Variants in ZSCAN18 observed in about 807,000 individuals in gnomAD.
ZSCAN18 encodes the protein zinc finger and SCAN domain-containing protein 18.
A neutral mutation model predicts 31.1 loss-of-function variants in ZSCAN18; 16 were observed. That is an observed-to-expected ratio of 0.51 (90% confidence interval 0.35 to 0.78). The LOEUF (loss-of-function observed/expected upper bound fraction) is 0.78, where lower values mean the gene tolerates loss of function less well. ZSCAN18 is among the 30% of genes least tolerant of loss of function. The probability of loss-of-function intolerance (pLI) is 0.01; values close to 1 mark genes in which losing one functional copy is unlikely to be tolerated. For missense variants in ZSCAN18, 731 were observed against 697.4 expected (o/e 1.05, Z -0.54); for synonymous variants, 375 against 320.7 (o/e 1.17, Z -1.81).
intron 1 of ZSCAN18, among the ~76,000 whole-genome samples, chr19:58,105,530 G>C (rs552613587): frequency 6.6e-6 from 1 of 152,044 alleles, no homozygotes; most frequent in South Asian, 2.1e-4. Context: ...GCGTGGTGGC[G>C]GGTGCCTGTA....
chr19:58,096,398 G>A (rs1035588521), intron 1 of ZSCAN18, among the ~76,000 whole-genome samples: 6 of 152,160 alleles, frequency 3.9e-5, no homozygotes, highest in African/African-American at 1.4e-4. Context: ...CCCAGCCTCA[G>A]CAAATGAAGC....
intron 3 of ZSCAN18, 158 bp downstream of exon 3, chr19:58,088,530 T>C (rs1053107007): frequency 3.0e-6 from 2 of 669,114 alleles, no homozygotes; most frequent in East Asian, 5.3e-5. Context: ...AAACAATGTC[T>C]AACATTCAGA....
intron 1 of ZSCAN18, among the ~76,000 whole-genome samples, chr19:58,106,753 TTTTTTTTG>T (rs1382939602): frequency 5.5e-5 from 3 of 54,582 alleles, no homozygotes; most frequent in Non-Finnish European, 1.7e-4. Context: ...AAGACATCTG[TTTTTTTTG>T]TTTTTTTGTT....
intron 1 of ZSCAN18, among the ~76,000 whole-genome samples, chr19:58,094,419 A>G (rs925735102): frequency 7.3e-5 from 11 of 151,200 alleles, no homozygotes; most frequent in Non-Finnish European, 1.0e-4. Context: ...TCAAAAAAAA[A>G]AAAAAGAAAT....
Position 58,088,799 on chromosome 19 carries a change from G to C in ZSCAN18, c.442C>G (p.Leu148Val). 6.2e-7 allele frequency: 1 copy of C among 1,613,002 alleles called. No homozygotes were observed. The highest frequency in any genetic ancestry group is 8.5e-7 in the Non-Finnish European group (1 of 1,179,972). Residue 148 changes from leucine to valine, a missense_variant, in exon 3 of 7, where the codon CTT becomes GTT. Leu to Val is a conservative substitution (Grantham distance 32). Transcript: ENST00000601144. Reference sequence around the variant, plus strand: ...TGCCTCTCGTACACTCCATCGCTAAGAATTGAGGATGAGCCCGCAGGGGAG... The same window carrying C: ...TGCCTCTCGTACACTCCATCGCTAACAATTGAGGATGAGCCCGCAGGGGAG... ...LGSPAGSSSILSDGVYERHMD... is the reference protein window; with the variant it reads ...LGSPAGSSSIVSDGVYERHMD...
At chr19:58,095,691 C>T (rs996284653) in intron 1 of ZSCAN18, among the ~76,000 whole-genome samples, 1 of 152,188 alleles carries the variant, frequency 6.6e-6, no homozygotes, top group Non-Finnish European at 1.5e-5. Context: ...GGACACCCTC[C>T]GGCTGGGTCA....
intron 1 of ZSCAN18, chr19:58,093,452 C>T (rs1568635710): frequency 6.6e-6 from 1 of 152,374 alleles, no homozygotes; most frequent in South Asian, 2.1e-4. Flanking sequence ...GGGACAACCT[C>T]ACGACCGTCA....
rs987746209 is a variant in ZSCAN18 at position 58,083,933 on chromosome 19, A to C, written c.*752T>G. 4 of 152,256 alleles carry C rather than the reference A, an allele frequency of 2.6e-5. No individual in the cohort carries two copies. Among genetic ancestry groups the C allele is most frequent in the African/African-American group, 4.8e-5 (2 of 41,470 alleles). 9.4% of individuals were successfully genotyped at this position (152,256 alleles called of 1,614,324 possible). A position where few individuals can be genotyped will look rare whatever the true frequency, so the allele number is the denominator to read the frequency against. On this transcript the variant is annotated 3_prime_UTR_variant, in exon 7 of 7. Transcript: ENST00000601144. ...TTTGCTCACAACTTCCCAGCAAGAA[A>C]TGTCTTACATTGCAACCAGTTCTCA...
chr19:58,090,247 C>T lies in ZSCAN18; in HGVS notation c.21G>A (p.Ala7=), dbSNP rs369489186. The change falls in exon 2 of 7, where the codon GCG becomes GCA. Residue 7 remains alanine (A), a synonymous_variant. Transcript: ENST00000601144. This position sits in a 1 kb window ranked among gnomAD's most constrained non-coding sequence, Gnocchi z 4.7. The part of the protein sequence containing the change: MLPLEK[A]FASPRSSPAP... ...CTGGGGAGCTCCTGGGGGAGGCAAACGCCTTCTCCAAAGGCAACATCTTTC... is the reference window on the plus strand; with the variant it reads ...CTGGGGAGCTCCTGGGGGAGGCAAATGCCTTCTCCAAAGGCAACATCTTTC... 592 of 1,613,476 alleles carry T rather than the reference C, an allele frequency of 3.7e-4. 4 individuals carry two copies. The South Asian group carries it at 5.5e-3, about 15-fold the overall frequency.
chr19:58,090,010 C>T lies in ZSCAN18; in HGVS notation c.258G>A (p.Glu86=). 5 of 1,614,064 alleles carry T rather than the reference C, an allele frequency of 3.1e-6. No individual in the cohort carries two copies. The highest frequency in any genetic ancestry group is 4.2e-6 in the Non-Finnish European group (5 of 1,180,044). The part of the protein sequence containing the change: ...QWLMPEARSK[E]QMLELLVLEQ... ...CCAGCACCAGCAGCTCCAGCATCTG[C>T]TCCTTGGAGCGCGCCTCAGGCATCA... The change falls in exon 2 of 7, where the codon GAG becomes GAA. Residue 86 remains glutamate, a synonymous_variant. Coordinates refer to ENST00000601144, the MANE Select transcript of ZSCAN18 (RefSeq NM_001145543.2). This position sits in a 1 kb window ranked among gnomAD's most constrained non-coding sequence, Gnocchi z 4.7.
intron 1 of ZSCAN18, chr19:58,097,868 G>A: frequency 5.3e-6 from 5 of 946,500 alleles, no homozygotes; most frequent in Non-Finnish European, 6.2e-6. Context: ...CCACCCACAG[G>A]GTGCCCTAAG....
intron 3 of ZSCAN18, chr19:58,088,430 T>G: frequency 2.6e-5 from 11 of 420,102 alleles, no homozygotes; most frequent in East Asian, 3.9e-5. Flanking sequence ...TGGTCGGGGG[T>G]TGGGAGATTC....
At chr19:58,103,125 A>C (rs78978695), upstream of ZSCAN18, among the ~76,000 whole-genome samples, 1,717 of 151,924 alleles carry the variant, frequency 0.011, 42 homozygotes, top group African/African-American at 0.039. Context: ...CTCTCTAAAA[A>C]AAAATAAAAA....
rs1434355160 is a variant in ZSCAN18 at position 58,085,209 on chromosome 19, C to G, written c.1009G>C (p.Asp337His). 1 of 1,609,158 alleles carries G rather than the reference C, an allele frequency of 6.2e-7. No homozygotes were observed. Among genetic ancestry groups the G allele is most frequent in the Admixed American group, 1.7e-5 (1 of 59,932 alleles). ...EQPGKAPDPQ[D>H]PQDAESDSAT... ...GAGTCGGACTCCGCGTCCTGGGGGT[C>G]CTGCGGGTCCGGGGCCTTCCCAGGC... Residue 337 changes from aspartate (D) to histidine (H), a missense_variant, in exon 7 of 7, where the codon GAC (aspartate) becomes CAC (histidine). By Grantham distance (81) the Asp-to-His change is moderately conservative. Around this residue, in one of 4 missense-constraint regions of ZSCAN18, gnomAD observed 597 missense variants for 499.5 expected, o/e 1.20. Coordinates refer to ENST00000601144, the MANE Select transcript of ZSCAN18 (RefSeq NM_001145543.2).
intron 1 of ZSCAN18, among the ~76,000 whole-genome samples, chr19:58,111,529 T>C (rs2547296): frequency 0.74 from 111,231 of 151,298 alleles, 42,112 homozygotes; most frequent in Non-Finnish European, 0.84. Context: ...AGTTGTTTTT[T>C]TGTTTTTTTT....
intron 6 of ZSCAN18, chr19:58,085,776 G>T (rs1012836994): frequency 9.5e-6 from 3 of 315,710 alleles, no homozygotes; most frequent in African/African-American, 2.2e-5. Context: ...AAGAGAGTGG[G>T]GTCAATAGCT....
rs1375181341 is a variant in ZSCAN18, at chr19:58,088,755, T to A, written c.486A>T (p.Leu162=). The A allele has an allele frequency of 6.2e-7, 1 of 1,609,824 alleles. No individual in the cohort carries two copies. Among genetic ancestry groups the A allele is most frequent in the Non-Finnish European group, 8.5e-7 (1 of 1,179,970 alleles). Residue 162 remains leucine (L), a synonymous_variant, in exon 3 of 7, where the codon CTA becomes CTT. Coordinates refer to ENST00000601144, the MANE Select transcript of ZSCAN18 (RefSeq NM_001145543.2). The stretch of plus-strand genomic sequence containing the variant: ...GGCTGGGGCTCGCGAGCTCGCCTGG[T>A]AGCAGCAGAGGGTCCATGTGCCTCT... ...VYERHMDPLL[L]PGELASPSQA...
chr19:58,117,620 T>C (rs183020165), intron 1 of ZSCAN18, among the ~76,000 whole-genome samples: 1 of 150,670 alleles, frequency 6.6e-6, no homozygotes, highest in African/African-American at 2.4e-5. Context: ...GCCCAAATCT[T>C]GTGAGGAGAG....
At chr19:58,094,625 C>A (rs561685368) in intron 1 of ZSCAN18, among the ~76,000 whole-genome samples, 36 of 152,058 alleles carry the variant, frequency 2.4e-4, no homozygotes, top group Non-Finnish European at 4.1e-4. Context: ...CACCTGTAAT[C>A]CCAGCACTTT....
Sources: gnomAD v4.1 joint callset for allele counts (sites outside exome capture counted in the v4.1 genomes callset) on GRCh38, gnomAD v4.1.1 for gene constraint, gnomAD v4.1.1 regional missense constraint, Gnocchi (gnomAD v3.1) non-coding constraint, MANE v1.5 for transcripts, NCBI Gene and HGNC (gene_info 2026-07-23, HGNC 2026-07-21) for gene names.